EPB41L4A: variants seen among roughly 807,000 people sequenced by gnomAD.
EPB41L4A encodes the protein band 4.1-like protein 4A.
A neutral mutation model predicts 108.6 loss-of-function variants in EPB41L4A; 100 were observed. The ratio of observed to expected loss-of-function variants is 0.92; its 90% CI spans 0.78 to 1.09. The LOEUF (loss-of-function observed/expected upper bound fraction) is 1.09, where lower values mean the gene tolerates loss of function less well. EPB41L4A is among the 50% of genes least tolerant of loss of function. The probability of loss-of-function intolerance (pLI) is 0.00; values close to 1 mark genes in which losing one functional copy is unlikely to be tolerated. For synonymous variants in EPB41L4A, 319 were observed against 289.0 expected, an observed-to-expected ratio of 1.10 and a Z score of -1.05; for missense variants, 1,030 against 842.7, an observed-to-expected ratio of 1.22 and a Z score of -2.75.
At chr5:112,153,252 A>T (rs1357571528) in intron 12 of EPB41L4A, among the ~76,000 whole-genome samples, 2 of 144,014 alleles carry the variant, frequency 1.4e-5, no homozygotes, top group East Asian at 4.4e-4. Context: ...GAGGCCGGGC[A>T]TGGTGTCTCA....
intron 1 of EPB41L4A, among the ~76,000 whole-genome samples, chr5:112,327,440 G>T (rs555456534): frequency 9.5e-4 from 144 of 152,266 alleles, no homozygotes; most frequent in Non-Finnish European, 1.8e-3. Context: ...CTTAGACTGG[G>T]TGCAGTGGCT....
At chr5:112,167,914 G>C (rs1054057401) in intron 22 of EPB41L4A, among the ~76,000 whole-genome samples, 2 of 152,210 alleles carry the variant, frequency 1.3e-5, no homozygotes, top group African/African-American at 4.8e-5. Flanking sequence ...AACTGTACAT[G>C]TGCTTAGATG....
At chr5:112,231,279 G>T (rs561459621) in intron 12 of EPB41L4A, among the ~76,000 whole-genome samples, 5 of 152,232 alleles carry the variant, frequency 3.3e-5, no homozygotes, top group Admixed American at 3.3e-4. Flanking sequence ...AGTAAGAAAA[G>T]CAAGTTGAAA....
chr5:112,390,587 C>T (rs1561635172), intron 1 of EPB41L4A, among the ~76,000 whole-genome samples: 2 of 152,178 alleles, frequency 1.3e-5, no homozygotes, highest in Non-Finnish European at 2.9e-5. Flanking sequence ...ACGAGGCCAG[C>T]GTGACTCTGT....
At chr5:112,407,138 T>C (rs896611512) in intron 1 of EPB41L4A, among the ~76,000 whole-genome samples, 7 of 152,044 alleles carry the variant, frequency 4.6e-5, no homozygotes, top group Admixed American at 2.0e-4. Context: ...GTGTGAAAGA[T>C]TTTGTGAAGC....
chr5:112,275,126 C>G, intron 4 of EPB41L4A, 200 bp downstream of exon 4: 1 of 531,546 alleles, frequency 1.9e-6, no homozygotes, highest in South Asian at 2.9e-5. Flanking sequence ...CCCAGGTTCA[C>G]GCCATTTTCA....
At chr5:112,176,088 T>C (rs1326271786) in intron 18 of EPB41L4A, among the ~76,000 whole-genome samples, 4 of 152,158 alleles carry the variant, frequency 2.6e-5, no homozygotes, top group African/African-American at 9.7e-5. Flanking sequence ...GCAGTGTTTC[T>C]AGAGAATAAC....
intron 4 of EPB41L4A, among the ~76,000 whole-genome samples, chr5:112,271,194 T>TA (rs1461726578): frequency 2.0e-5 from 3 of 152,222 alleles, no homozygotes; most frequent in Non-Finnish European, 4.4e-5. Context: ...GAGGGGATAG[T>TA]AAAATGATTC....
chr5:112,234,973 A>C (rs1415660192), intron 11 of EPB41L4A, among the ~76,000 whole-genome samples: 1 of 152,180 alleles, frequency 6.6e-6, no homozygotes. Flanking sequence ...TCAGAGGAGG[A>C]AACAGGAAGA....
intron 1 of EPB41L4A, among the ~76,000 whole-genome samples, chr5:112,325,748 G>A (rs1023364105): frequency 1.3e-5 from 2 of 152,126 alleles, no homozygotes; most frequent in African/African-American, 4.8e-5. Flanking sequence ...TTGCAACCTC[G>A]GCAGGCTGCT....
intron 1 of EPB41L4A, among the ~76,000 whole-genome samples, chr5:112,405,820 T>C (rs920183080): frequency 1.3e-5 from 2 of 152,210 alleles, no homozygotes; most frequent in African/African-American, 4.8e-5. Context: ...AATTGTCTCA[T>C]ATCATACTCT....
chr5:112,376,335 TA>T lies in EPB41L4A; in HGVS notation c.99+42605del, dbSNP rs568575279. Reference sequence around the variant, plus strand: ...TTAAAACCACAATGAAATATCACTATATATCTAACAGGATGGCTAAAAATTT... The same window carrying T: ...TTAAAACCACAATGAAATATCACTATTATCTAACAGGATGGCTAAAAATTT... On this transcript the variant is annotated intron_variant, in intron 1 of 22. Coordinates refer to ENST00000261486, the MANE Select transcript of EPB41L4A (RefSeq NM_022140.5). Among the ~76,000 whole-genome samples, 13 of 152,312 alleles carry T rather than the reference TA, an allele frequency of 8.5e-5. 1 individual carries two copies. The South Asian group carries it at 2.3e-3, about 27-fold the overall frequency.
chr5:112,397,898 A>G (rs1162123308), intron 1 of EPB41L4A, among the ~76,000 whole-genome samples: 1 of 152,190 alleles, frequency 6.6e-6, no homozygotes, highest in African/African-American at 2.4e-5. Context: ...AAAGCTAACC[A>G]TTAACCATTA....
intron 1 of EPB41L4A, chr5:112,392,801 C>G (rs1761042331): frequency 6.6e-6 from 1 of 152,164 alleles, no homozygotes; most frequent in South Asian, 2.1e-4. Context: ...TTCTCAGCAC[C>G]ACATCACACT....
At chr5:112,276,587 T>G (rs773411659) in intron 3 of EPB41L4A, among the ~76,000 whole-genome samples, 24 of 152,218 alleles carry the variant, frequency 1.6e-4, no homozygotes, top group Non-Finnish European at 2.9e-4. Context: ...TCCCACAAAT[T>G]AAAAAGAAAA....
intron 1 of EPB41L4A, among the ~76,000 whole-genome samples, chr5:112,372,424 G>C (rs938181980): frequency 6.6e-6 from 1 of 152,154 alleles, no homozygotes; most frequent in Non-Finnish European, 1.5e-5. Flanking sequence ...ATTTGGGTGG[G>C]GACAGAGAGC....
At chr5:112,251,280 G>T (rs1203639665) in intron 9 of EPB41L4A, among the ~76,000 whole-genome samples, 1 of 152,048 alleles carries the variant, frequency 6.6e-6, no homozygotes, top group Non-Finnish European at 1.5e-5. Context: ...TCCCACTACT[G>T]GGAATTTAAC....
At chr5:112,335,198 C>A (rs1015400210) in intron 1 of EPB41L4A, among the ~76,000 whole-genome samples, 1 of 152,094 alleles carries the variant, frequency 6.6e-6, no homozygotes, top group Non-Finnish European at 1.5e-5. Flanking sequence ...ATTTCCATTG[C>A]CAAGAGGCAC....
At chr5:112,264,243 C>T (rs1580560982) in intron 6 of EPB41L4A, 2 of 152,170 alleles carry the variant, frequency 1.3e-5, no homozygotes, top group South Asian at 2.1e-4. Flanking sequence ...GAAATTAAAA[C>T]TTCAGTGCTA....
Sources: allele counts gnomAD v4.1 joint callset (sites outside exome capture counted in the v4.1 genomes callset), GRCh38; gene constraint gnomAD v4.1.1; transcripts MANE v1.5; gene names NCBI Gene and HGNC (gene_info 2026-07-23, HGNC 2026-07-21).